Variants in CTXND1 observed in about 807,000 individuals in gnomAD.
The protein encoded by CTXND1 is cortexin domain-containing 1 protein.
intron 1 of CTXND1, among the ~76,000 whole-genome samples, chr15:80,235,373 A>C (rs1401000587): frequency 6.6e-6 from 1 of 152,212 alleles, no homozygotes; most frequent in Non-Finnish European, 1.5e-5. Context: ...TCCCAATGCA[A>C]GGGCCGAGGT....
At chr15:80,223,252 T>C (rs917474772) in intron 1 of CTXND1, among the ~76,000 whole-genome samples, 7 of 152,188 alleles carry the variant, frequency 4.6e-5, no homozygotes, top group African/African-American at 1.7e-4. Context: ...GGATGAGGTT[T>C]CTCCATGTTG....
intron 1 of CTXND1, among the ~76,000 whole-genome samples, chr15:80,235,819 A>G (rs1038813012): frequency 5.3e-5 from 8 of 151,848 alleles, no homozygotes; most frequent in Non-Finnish European, 1.2e-4. Context: ...CCTGACACAA[A>G]TCATTCATTC....
At chr15:80,237,433 G>A (rs996538188) in intron 1 of CTXND1, among the ~76,000 whole-genome samples, 4 of 151,600 alleles carry the variant, frequency 2.6e-5, no homozygotes, top group African/African-American at 9.7e-5. Context: ...AGCAGGTATT[G>A]TTATCTTAGG....
rs1393186144 is a variant in CTXND1 at position 80,198,549 on chromosome 15, G to T, written c.*3221C>A. On this transcript the variant is annotated 3_prime_UTR_variant, in exon 3 of 3. Transcript: ENST00000560778. ...CGAGTTGAGACGCTCTGATCACAAA[G>T]GACCATCTCCTCTATGCTTCAGCAG... The T allele has an allele frequency of 7.9e-5, 12 of 152,164 alleles. No homozygotes were observed. Among genetic ancestry groups the T allele is most frequent in the Non-Finnish European group, 1.8e-4 (12 of 68,028 alleles). The allele number at this position is 152,164 out of a possible 1,614,324, so 9.4% of individuals were successfully genotyped here.
chr15:80,245,780 C>T (rs1893621310), intron 1 of CTXND1, among the ~76,000 whole-genome samples: 1 of 152,208 alleles, frequency 6.6e-6, no homozygotes, highest in Admixed American at 6.5e-5. Context: ...CCTACCTCTG[C>T]TGCCCAAATC....
chr15:80,251,271 T>A (rs1893693851), intron 1 of CTXND1, among the ~76,000 whole-genome samples: 1 of 152,198 alleles, frequency 6.6e-6, no homozygotes, highest in African/African-American at 2.4e-5. Flanking sequence ...TTCGGCTCCA[T>A]AATACATTCC....
intron 1 of CTXND1, among the ~76,000 whole-genome samples, chr15:80,216,547 C>A (rs774590606): frequency 5.9e-5 from 9 of 152,176 alleles, no homozygotes; most frequent in African/African-American, 1.9e-4. Flanking sequence ...TATGGATCAT[C>A]ATTTAATATA....
At position 80,200,663 on chromosome 15, in the gene CTXND1, C is replaced by T. The variant is rs1567126872; in HGVS notation, c.*1107G>A. On this transcript the variant is annotated 3_prime_UTR_variant, in exon 3 of 3. Coordinates refer to ENST00000560778, the MANE Select transcript of CTXND1 (RefSeq NM_001352888.2). ...AAATTTTAAAAATGACAAGGCTTTTCCTATCTTACAATGAGGAAACTGAGG... is the reference window on the plus strand; with the variant it reads ...AAATTTTAAAAATGACAAGGCTTTTTCTATCTTACAATGAGGAAACTGAGG... 1.3e-5 allele frequency: 2 copies of T among 152,172 alleles called. No homozygotes were observed. Among genetic ancestry groups the T allele is most frequent in the African/African-American group, 4.8e-5 (2 of 41,402 alleles). The allele number at this position is 152,172 out of a possible 1,614,324, so 9.4% of individuals were successfully genotyped here. A position where few individuals can be genotyped will look rare whatever the true frequency, so the allele number is the denominator to read the frequency against.
At chr15:80,248,109 C>A (rs1893655203) in intron 1 of CTXND1, among the ~76,000 whole-genome samples, 1 of 152,240 alleles carries the variant, frequency 6.6e-6, no homozygotes, top group East Asian at 1.9e-4. Flanking sequence ...AGGCTTGTGG[C>A]TCTTCCCGTG....
At chr15:80,230,832 T>G (rs1595908333) in intron 1 of CTXND1, among the ~76,000 whole-genome samples, 1 of 152,046 alleles carries the variant, frequency 6.6e-6, no homozygotes, top group Non-Finnish European at 1.5e-5. Flanking sequence ...CTGAGGCAGG[T>G]GGATCACCTG....
chr15:80,216,141 A>G (rs1313413571), intron 1 of CTXND1, among the ~76,000 whole-genome samples: 2 of 152,206 alleles, frequency 1.3e-5, no homozygotes, highest in African/African-American at 2.4e-5. Flanking sequence ...TCATCTTTCA[A>G]TTGGAAAACT....
rs1173053524 is a variant in CTXND1 at position 80,204,146 on chromosome 15, C to CAAAAAAAAAA, written c.-217-416_-217-407dup. Among the ~76,000 whole-genome samples the CAAAAAAAAAA allele has an allele frequency of 1.4e-3, 3 of 2,148 alleles. 1 individual carries two copies. The highest frequency in any genetic ancestry group is 2.8e-3 in the Non-Finnish European group (3 of 1,076). 1.4% of individuals were successfully genotyped at this position (2,148 alleles called of 152,430 possible). On this transcript the variant is annotated intron_variant, in intron 1 of 2. Transcript: ENST00000560778. ...TGGGCGACAGAGCAAGACTGTGTCTCAAAAAAAAAAAAAAAAAAAAAAAAT... is the reference window on the plus strand; with the variant it reads ...TGGGCGACAGAGCAAGACTGTGTCTCAAAAAAAAAAAAAAAAAAAAAAAAAAAAAAAAAAT...
chr15:80,248,685 G>A (rs1893661381), intron 1 of CTXND1, among the ~76,000 whole-genome samples: 1 of 152,208 alleles, frequency 6.6e-6, no homozygotes, highest in South Asian at 2.1e-4. Context: ...AGCTCCGTCT[G>A]AGTCAAGAAG....
In CTXND1 at chr15:80,201,729, A is replaced by G. The variant is rs774587807; in HGVS notation, c.*41T>C. The G allele has an allele frequency of 2.0e-5, 8 of 398,456 alleles. No individual in the cohort carries two copies. Among genetic ancestry groups the G allele is most frequent in the Non-Finnish European group, 2.2e-5 (5 of 226,190 alleles). 24.7% of individuals were successfully genotyped at this position (398,456 alleles called of 1,614,324 possible). A position where few individuals can be genotyped will look rare whatever the true frequency, so the allele number is the denominator to read the frequency against. On this transcript the variant is annotated 3_prime_UTR_variant, in exon 3 of 3. Coordinates refer to ENST00000560778, the MANE Select transcript of CTXND1 (RefSeq NM_001352888.2). ...CACGGATGCATCCTGGGGCACAGCC[A>G]CCCACAGAGCGCCAGGTCCAGTCCC...
At chr15:80,242,702 A>G (rs1893584231) in intron 1 of CTXND1, among the ~76,000 whole-genome samples, 1 of 152,154 alleles carries the variant, frequency 6.6e-6, no homozygotes, top group East Asian at 1.9e-4. Flanking sequence ...AATTTCACAT[A>G]AAATTCAGGA....
chr15:80,229,344 G>A (rs768681405), intron 1 of CTXND1, among the ~76,000 whole-genome samples: 8 of 152,238 alleles, frequency 5.3e-5, no homozygotes, highest in Non-Finnish European at 8.8e-5. Context: ...TGGGGAATAA[G>A]TGTTAGGAAA....
chr15:80,242,187 C>T (rs1893576298), intron 1 of CTXND1, among the ~76,000 whole-genome samples: 2 of 152,196 alleles, frequency 1.3e-5, no homozygotes, highest in African/African-American at 4.8e-5. Context: ...CTCTGAGTGA[C>T]CGTCCCCTAT....
chr15:80,203,622 C>T lies in CTXND1; in HGVS notation c.-99G>A, dbSNP rs1192329056. The stretch of plus-strand genomic sequence containing the variant: ...TGGAGTGGTCACCACTTCATAAGGA[C>T]CCTGGCTGTTCCAGGAGGCACGAGG... On this transcript the variant is annotated 5_prime_UTR_variant, in exon 2 of 3. Transcript: ENST00000560778. 1 of 152,544 alleles carries T rather than the reference C, an allele frequency of 6.6e-6. No homozygotes were observed. Among genetic ancestry groups the T allele is most frequent in the Non-Finnish European group, 1.5e-5 (1 of 68,360 alleles). 9.4% of individuals were successfully genotyped at this position (152,544 alleles called of 1,614,324 possible). A position where few individuals can be genotyped will look rare whatever the true frequency, so the allele number is the denominator to read the frequency against.
chr15:80,237,124 A>G (rs1893508639), intron 1 of CTXND1, among the ~76,000 whole-genome samples: 1 of 152,072 alleles, frequency 6.6e-6, no homozygotes, highest in African/African-American at 2.4e-5. Flanking sequence ...TCACGAGATC[A>G]GCAGATAGAG....
Sources: allele counts gnomAD v4.1 joint callset (sites outside exome capture counted in the v4.1 genomes callset), GRCh38; gene constraint gnomAD v4.1.1; transcripts MANE v1.5; gene names NCBI Gene and HGNC (gene_info 2026-07-23, HGNC 2026-07-21).